DIAPH2: variants seen among roughly 807,000 people sequenced by gnomAD.
The protein encoded by DIAPH2 is protein diaphanous homolog 2.
Under a neutral mutation model 92.7 loss-of-function variants are expected in DIAPH2, and 35 were observed. The observed-to-expected ratio is 0.38, with a 90% CI of 0.29 to 0.50. The LOEUF (loss-of-function observed/expected upper bound fraction) is 0.50. Among genes scored for constraint, DIAPH2 ranks in the 20% least tolerant of loss-of-function variants. The probability of loss-of-function intolerance (pLI) is 0.94; values close to 1 mark genes in which losing one functional copy is unlikely to be tolerated. For missense variants in DIAPH2, 701 were observed against 819.5 expected, an observed-to-expected ratio of 0.86 and a Z score of 1.77; for synonymous variants, 301 against 280.4, an observed-to-expected ratio of 1.07 and a Z score of -0.73.
chrX:97,365,786 A>T (rs1233763608), intron 24 of DIAPH2, among the ~76,000 whole-genome samples: 1 of 106,665 alleles, frequency 9.4e-6, no homozygotes. Context: ...GCTCACTGCA[A>T]TCTCCACCTC....
intron 22 of DIAPH2, among the ~76,000 whole-genome samples, chrX:97,165,433 A>G (rs1049027292): frequency 8.9e-6 from 1 of 111,953 alleles, no homozygotes; most frequent in Admixed American, 9.5e-5. Context: ...GTTTGTTTGT[A>G]AACATTTTAT....
intron 23 of DIAPH2, among the ~76,000 whole-genome samples, chrX:97,323,762 G>C (rs2147658208): frequency 9.3e-6 from 1 of 107,200 alleles, no homozygotes; most frequent in Admixed American, 1.0e-4. Flanking sequence ...AATTAGCCAG[G>C]AGTGGTGGCG....
chrX:97,046,209 G>A (rs2066483332), intron 17 of DIAPH2, among the ~76,000 whole-genome samples: 1 of 108,015 alleles, frequency 9.3e-6, no homozygotes, highest in Non-Finnish European at 1.9e-5. Flanking sequence ...ATCTTTGAAT[G>A]CTAATGAGAA....
intron 20 of DIAPH2, among the ~76,000 whole-genome samples, chrX:97,106,697 G>A (rs1027738767): frequency 9.0e-6 from 1 of 111,255 alleles, no homozygotes; most frequent in Non-Finnish European, 1.9e-5. Flanking sequence ...ACTTTGAGAG[G>A]CTGAGGCGGG....
chrX:96,844,699 G>A (rs2064959785), intron 4 of DIAPH2, among the ~76,000 whole-genome samples: 1 of 111,722 alleles, frequency 9.0e-6, no homozygotes, highest in Non-Finnish European at 1.9e-5. Context: ...ATATATTTTT[G>A]TGGATAACGG....
In DIAPH2 at chrX:97,469,891, T is replaced by A. The variant is rs145967091; in HGVS notation, c.3241+40146T>A. 2,624 of 955,529 alleles carry A rather than the reference T, an allele frequency of 2.7e-3. 46 individuals are homozygous for A. The African/African-American group carries it at 0.045, about 16-fold the overall frequency. 78.7% of individuals were successfully genotyped at this position (955,529 alleles called of 1,213,427 possible). On this transcript the variant is annotated intron_variant, in intron 26 of 26. Coordinates refer to ENST00000324765, the MANE Select transcript of DIAPH2 (RefSeq NM_006729.5). ...CTGCCTAAGGCTTTCTGATAAAATT[T>A]ATGCTATATGCCCCTTAATACCGAT...
chrX:97,056,058 G>T (rs1003187993), intron 17 of DIAPH2, among the ~76,000 whole-genome samples: 3 of 111,167 alleles, frequency 2.7e-5, no homozygotes, highest in East Asian at 5.7e-4. Flanking sequence ...TGATCAGCTT[G>T]AAGTAGTTTT....
chrX:96,881,787 A>C, intron 5 of DIAPH2, 69 bp downstream of exon 5: 1 of 1,082,005 alleles, frequency 9.2e-7, no homozygotes, highest in Non-Finnish European at 1.2e-6. Flanking sequence ...TGGGAATATA[A>C]TAAGTTTTGT....
At chrX:97,004,055 C>T (rs2066162928) in intron 17 of DIAPH2, among the ~76,000 whole-genome samples, 2 of 111,440 alleles carry the variant, frequency 1.8e-5, no homozygotes, top group Admixed American at 1.9e-4. Flanking sequence ...TCCTTTCCCC[C>T]AATGTATGTT....
At chrX:97,415,811 C>G (rs1268933107) in intron 25 of DIAPH2, among the ~76,000 whole-genome samples, 4 of 110,381 alleles carry the variant, frequency 3.6e-5, no homozygotes, top group South Asian at 4.0e-4. Flanking sequence ...ATGTAACAAG[C>G]CTGCATGTCG....
intron 20 of DIAPH2, among the ~76,000 whole-genome samples, chrX:97,104,882 A>G (rs2066928641): frequency 1.8e-5 from 2 of 112,222 alleles, no homozygotes; most frequent in South Asian, 7.5e-4. Flanking sequence ...TCACGTCTGA[A>G]TCCCAGCACT....
At chrX:97,024,238 T>G (rs1269843878) in intron 17 of DIAPH2, among the ~76,000 whole-genome samples, 1 of 112,563 alleles carries the variant, frequency 8.9e-6, no homozygotes, top group Non-Finnish European at 1.9e-5. Flanking sequence ...CGATTTTATG[T>G]GTAGATTTTG....
intron 4 of DIAPH2, among the ~76,000 whole-genome samples, chrX:96,862,922 G>A (rs2065080378): frequency 9.1e-6 from 1 of 110,495 alleles, no homozygotes; most frequent in Admixed American, 9.7e-5. Flanking sequence ...TAGGACTTGA[G>A]AAAAAAAATT....
intron 26 of DIAPH2, among the ~76,000 whole-genome samples, chrX:97,479,445 G>C (rs1288724820): frequency 1.8e-5 from 2 of 112,272 alleles, no homozygotes; most frequent in Non-Finnish European, 3.8e-5. Flanking sequence ...AATTGCTTTT[G>C]ACTGCCAGAC....
Position 96,962,382 on chromosome X carries a change from C to CACATATATATATACAT in DIAPH2, c.1936-2710_1936-2709insCATATATATATACATA, listed in dbSNP as rs1556310197. On this transcript the variant is annotated intron_variant, in intron 16 of 26. Coordinates refer to ENST00000324765, the MANE Select transcript of DIAPH2 (RefSeq NM_006729.5). Reference sequence around the variant, plus strand: ...ATATATATACACATATATATATACACATATATATACACATATATATACACA... The same window carrying CACATATATATATACAT: ...ATATATATACACATATATATATACACACATATATATATACATATATATATACACATATATATACACA... Among the ~76,000 whole-genome samples the CACATATATATATACAT allele has an allele frequency of 1.0e-3, 57 of 57,172 alleles. 3 individuals are homozygous for CACATATATATATACAT. The highest frequency in any genetic ancestry group is 3.7e-3 in the African/African-American group (44 of 12,037). 49.6% of individuals were successfully genotyped at this position (57,172 alleles called of 115,157 possible).
chrX:96,933,752 C>T (rs1391038396), intron 10 of DIAPH2, among the ~76,000 whole-genome samples: 2 of 100,865 alleles, frequency 2.0e-5, no homozygotes, highest in Non-Finnish European at 4.0e-5. Context: ...TACAGGTGCG[C>T]GCCATCATGC....
intron 23 of DIAPH2, among the ~76,000 whole-genome samples, chrX:97,327,720 G>A (rs5920906): frequency 0.023 from 2,607 of 111,251 alleles, 28 homozygotes; most frequent in Middle Eastern, 0.042. Context: ...GAGTACAGGC[G>A]CAAGCCACTG....
At chrX:97,199,718 T>C (rs1173552244) in intron 22 of DIAPH2, among the ~76,000 whole-genome samples, 1 of 111,252 alleles carries the variant, frequency 9.0e-6, no homozygotes, top group Non-Finnish European at 1.9e-5. Context: ...TTGATATTAA[T>C]AGCAACTTAA....
At chrX:96,757,090 T>A (rs1209772059) in intron 3 of DIAPH2, among the ~76,000 whole-genome samples, 1 of 108,655 alleles carries the variant, frequency 9.2e-6, no homozygotes, top group Non-Finnish European at 1.9e-5. Flanking sequence ...GCTAATTTTT[T>A]GTATTTTTAG....
Sources: gnomAD v4.1 joint callset for allele counts (sites outside exome capture counted in the v4.1 genomes callset) on GRCh38, gnomAD v4.1.1 for gene constraint, MANE v1.5 for transcripts, NCBI Gene and HGNC (gene_info 2026-07-23, HGNC 2026-07-21) for gene names.